CNGB3: variants seen among roughly 807,000 people sequenced by gnomAD.
CNGB3 encodes the protein cyclic nucleotide-gated channel beta-3.
In CNGB3, 86 loss-of-function variants were observed where a neutral mutation model predicts 92.8. The ratio of observed to expected loss-of-function variants is 0.93; its 90% confidence interval spans 0.78 to 1.11. The LOEUF is 1.11. Ranked by LOEUF, CNGB3 falls within the 50% of genes least tolerant of loss-of-function variation. The pLI is 0.00. For synonymous variants in CNGB3, 333 were observed against 332.7 expected, an observed-to-expected ratio of 1.00 and a Z score of -0.01; for missense variants, 1,026 against 956.8, an observed-to-expected ratio of 1.07 and a Z score of -0.95.
intron 3 of CNGB3, among the ~76,000 whole-genome samples, chr8:86,701,361 T>A (rs2131647081): frequency 6.6e-6 from 1 of 152,346 alleles, no homozygotes; most frequent in East Asian, 1.9e-4. Flanking sequence ...TCTTTCAGTG[T>A]TGAAGTATTT....
intron 14 of CNGB3, among the ~76,000 whole-genome samples, chr8:86,609,971 C>T (rs767779026): frequency 3.2e-4 from 49 of 152,150 alleles, no homozygotes; most frequent in Non-Finnish European, 6.0e-4. Context: ...ACTCTTCTGG[C>T]AACTTCTATT....
At chr8:86,716,414 A>G (rs1167698303) in intron 3 of CNGB3, among the ~76,000 whole-genome samples, 1 of 152,166 alleles carries the variant, frequency 6.6e-6, no homozygotes, top group Non-Finnish European at 1.5e-5. Flanking sequence ...CGCCTAGCAC[A>G]TAGTCAGGTT....
At chr8:86,594,482 G>T in intron 15 of CNGB3, 1 of 291,656 alleles carries the variant, frequency 3.4e-6, no homozygotes, top group South Asian at 3.2e-5. Flanking sequence ...GTCCAGGAGG[G>T]GACCCGACAC....
At chr8:86,664,143 A>G (rs1823696976) in intron 6 of CNGB3, among the ~76,000 whole-genome samples, 1 of 152,226 alleles carries the variant, frequency 6.6e-6, no homozygotes, top group South Asian at 2.1e-4. Context: ...AAGTCTGCAC[A>G]AGGAATTTTT....
Position 86,604,111 on chromosome 8 carries a change from G to A in CNGB3, c.1763C>T (p.Ser588Leu), listed in dbSNP as rs748166954. The A allele has an allele frequency of 2.4e-5, 38 of 1,611,406 alleles. 1 individual carries two copies. Among genetic ancestry groups the A allele is most frequent in the African/African-American group, 8.0e-5 (6 of 74,814 alleles). Residue 588 changes from serine (S) to leucine (L), a missense_variant, in exon 15 of 18, where the codon TCG (serine) becomes TTG (leucine). Coordinates refer to ENST00000320005, the MANE Select transcript of CNGB3 (RefSeq NM_019098.5). ...TKVLVTLKAGSVFGEISLLAA... is the reference protein window; with the variant it reads ...TKVLVTLKAGLVFGEISLLAA... Reference sequence around the variant, plus strand: ...CAGATACCTGATTTCTCCAAACACCGACCCAGCTTTCAGAGTAACCAGAAC... The same window carrying A: ...CAGATACCTGATTTCTCCAAACACCAACCCAGCTTTCAGAGTAACCAGAAC...
intron 2 of CNGB3, among the ~76,000 whole-genome samples, chr8:86,727,479 A>G (rs549664961): frequency 5.9e-5 from 9 of 152,168 alleles, no homozygotes; most frequent in Non-Finnish European, 1.3e-4. Flanking sequence ...TTTTCTGACG[A>G]AATGATACAA....
chr8:86,654,808 A>G (rs1823472221), intron 6 of CNGB3, among the ~76,000 whole-genome samples: 3 of 152,160 alleles, frequency 2.0e-5, no homozygotes, highest in African/African-American at 7.2e-5. Flanking sequence ...TTAAAAGTCA[A>G]CATTCCCCAG....
At chr8:86,607,110 T>C (rs936212549) in intron 14 of CNGB3, among the ~76,000 whole-genome samples, 9 of 152,234 alleles carry the variant, frequency 5.9e-5, no homozygotes, top group African/African-American at 2.2e-4. Flanking sequence ...TAGAAGTACA[T>C]AGTGGGTACT....
intron 10 of CNGB3, among the ~76,000 whole-genome samples, chr8:86,637,801 C>T (rs1368923696): frequency 6.6e-6 from 1 of 152,084 alleles, no homozygotes; most frequent in African/African-American, 2.4e-5. Flanking sequence ...AATGCATATA[C>T]CTGTGTAACA....
At position 86,612,819 on chromosome 8, in the gene CNGB3, A is replaced by G. The variant is rs567282694; in HGVS notation, c.1579-1148T>C. Among the ~76,000 whole-genome samples, 115 of 152,336 alleles carry G rather than the reference A, an allele frequency of 7.5e-4. 3 individuals carry two copies. In the Middle Eastern group the frequency reaches 0.017, roughly 23 times the overall value. ...GAAAAAAAGGCCAAGGCCAGAAGAC[A>G]TATCTTCTTAATACAGTCTAACAAA... On this transcript the variant is annotated intron_variant, in intron 13 of 17. Transcript: ENST00000320005.
At chr8:86,637,838 G>C (rs747962743) in intron 10 of CNGB3, among the ~76,000 whole-genome samples, 23 of 152,038 alleles carry the variant, frequency 1.5e-4, no homozygotes, top group Non-Finnish European at 3.2e-4. Flanking sequence ...ATAGAGCCTT[G>C]CCATCACTTT....
At chr8:86,708,025 C>T (rs910686937) in intron 3 of CNGB3, 1 of 152,180 alleles carries the variant, frequency 6.6e-6, no homozygotes, top group Non-Finnish European at 1.5e-5. Flanking sequence ...GTTTTGGACA[C>T]ATGCATTTTG....
intron 3 of CNGB3, among the ~76,000 whole-genome samples, chr8:86,684,112 G>A (rs1318321416): frequency 6.6e-6 from 1 of 152,098 alleles, no homozygotes; most frequent in Non-Finnish European, 1.5e-5. Flanking sequence ...CAAAGGTCTA[G>A]TATCTAGGAT....
chr8:86,694,131 C>T (rs1483384652), intron 3 of CNGB3, among the ~76,000 whole-genome samples: 1 of 132,606 alleles, frequency 7.5e-6, no homozygotes, highest in African/African-American at 2.9e-5. Context: ...GGGGGCTGAC[C>T]CCCCCACCTC....
chr8:86,607,395 G>A (rs1281223554), intron 14 of CNGB3, among the ~76,000 whole-genome samples: 3 of 152,156 alleles, frequency 2.0e-5, no homozygotes, highest in Non-Finnish European at 4.4e-5. Flanking sequence ...AGAGCTTCAT[G>A]TAGAGTGAGG....
intron 15 of CNGB3, chr8:86,593,623 A>G: frequency 2.2e-6 from 1 of 456,204 alleles, no homozygotes; most frequent in Non-Finnish European, 4.0e-6. Context: ...GGTGGCTATA[A>G]GGGGCGAGTG....
At chr8:86,712,511 T>C (rs1824767740) in intron 3 of CNGB3, among the ~76,000 whole-genome samples, 1 of 152,118 alleles carries the variant, frequency 6.6e-6, no homozygotes, top group Non-Finnish European at 1.5e-5. Context: ...TCCATATGGC[T>C]ACTTAGTTAC....
chr8:86,580,194 G>C lies in CNGB3; in HGVS notation c.1782-942C>G, dbSNP rs931862712. Among the ~76,000 whole-genome samples, 36 of 150,842 alleles carry C rather than the reference G, an allele frequency of 2.4e-4. No individual in the cohort carries two copies. The East Asian group carries it at 3.9e-3, about 16-fold the overall frequency. ...CTCATTATCACGAGAATAGCACGGGGGGGGTGGCGGGGGGAACTGCCCTCA... is the reference window on the plus strand; with the variant it reads ...CTCATTATCACGAGAATAGCACGGGCGGGGTGGCGGGGGGAACTGCCCTCA... On this transcript the variant is annotated intron_variant, in intron 15 of 17. Coordinates refer to ENST00000320005, the MANE Select transcript of CNGB3 (RefSeq NM_019098.5).
rs182255674 is a variant in CNGB3, at chr8:86,716,578, A to G, written c.338+9953T>C. Reference sequence around the variant, plus strand: ...GGAATCCTATTTTTAGCCTCCTTAAACAAAACAATTAGCAGCCAAAAATTT... The same window carrying G: ...GGAATCCTATTTTTAGCCTCCTTAAGCAAAACAATTAGCAGCCAAAAATTT... On this transcript the variant is annotated intron_variant, in intron 3 of 17. Coordinates refer to ENST00000320005, the MANE Select transcript of CNGB3 (RefSeq NM_019098.5). Among the ~76,000 whole-genome samples, 683 of 152,300 alleles carry G rather than the reference A, an allele frequency of 4.5e-3. 1 individual carries two copies. The highest frequency in any genetic ancestry group is 6.1e-3 in the Non-Finnish European group (415 of 68,008).
Sources: allele counts gnomAD v4.1 joint callset (sites outside exome capture counted in the v4.1 genomes callset), GRCh38; gene constraint gnomAD v4.1.1; transcripts MANE v1.5; gene names NCBI Gene and HGNC (gene_info 2026-07-23, HGNC 2026-07-21).